Variants in ST6GALNAC3 observed in about 807,000 individuals in gnomAD.
ST6GALNAC3 encodes alpha-N-acetylgalactosaminide alpha-2,6-sialyltransferase 3.
A neutral mutation model predicts 32.7 loss-of-function variants in ST6GALNAC3; 25 were observed. The ratio of observed to expected loss-of-function variants is 0.76; its 90% CI spans 0.56 to 1.07. ST6GALNAC3 has a LOEUF of 1.07. Among genes scored for constraint, ST6GALNAC3 ranks in the 50% least tolerant of loss-of-function variants. ST6GALNAC3 has a pLI of 0.00. For synonymous variants in ST6GALNAC3, 129 were observed against 133.1 expected, an observed-to-expected ratio of 0.97 and a Z score of 0.21; for missense variants, 355 against 382.4, an observed-to-expected ratio of 0.93 and a Z score of 0.60.
At chr1:76,588,390 G>T (rs1646996460) in intron 3 of ST6GALNAC3, among the ~76,000 whole-genome samples, 1 of 152,026 alleles carries the variant, frequency 6.6e-6, no homozygotes. Flanking sequence ...GTGCTACGTA[G>T]AACACAAGGG....
At chr1:76,092,739 G>A (rs749552385) in intron 1 of ST6GALNAC3, among the ~76,000 whole-genome samples, 28 of 152,142 alleles carry the variant, frequency 1.8e-4, no homozygotes, top group Admixed American at 2.6e-4. Flanking sequence ...TTTGCATGGG[G>A]CCTCATAAAT....
chr1:76,399,038 C>T (rs1653203422), intron 2 of ST6GALNAC3, among the ~76,000 whole-genome samples: 1 of 152,032 alleles, frequency 6.6e-6, no homozygotes, highest in Admixed American at 6.6e-5. Flanking sequence ...TCAATAATTG[C>T]ATCTTATGCC....
chr1:76,328,232 C>T (rs1487826337), intron 2 of ST6GALNAC3, among the ~76,000 whole-genome samples: 1 of 152,132 alleles, frequency 6.6e-6, no homozygotes, highest in Non-Finnish European at 1.5e-5. Context: ...TTCCTTTGCT[C>T]GGGAGTCACC....
chr1:76,507,856 G>C (rs1661573762), intron 3 of ST6GALNAC3, among the ~76,000 whole-genome samples: 1 of 152,144 alleles, frequency 6.6e-6, no homozygotes, highest in African/African-American at 2.4e-5. Flanking sequence ...GTGCTAGACT[G>C]TTTTTCAAAG....
intron 3 of ST6GALNAC3, among the ~76,000 whole-genome samples, chr1:76,428,531 C>T (rs185688410): frequency 6.6e-6 from 1 of 151,944 alleles, no homozygotes; most frequent in South Asian, 2.1e-4. Flanking sequence ...GTTCTTTCCA[C>T]GTTATTTTGC....
chr1:76,325,845 C>T (rs950940777), intron 2 of ST6GALNAC3, among the ~76,000 whole-genome samples: 4 of 150,710 alleles, frequency 2.7e-5, no homozygotes, highest in African/African-American at 7.3e-5. Flanking sequence ...TTTCATTGAT[C>T]AACATTTTTT....
chr1:76,140,604 C>T (rs998259585), intron 1 of ST6GALNAC3, among the ~76,000 whole-genome samples: 3 of 145,116 alleles, frequency 2.1e-5, no homozygotes, highest in Non-Finnish European at 4.5e-5. Flanking sequence ...GACTGGGGCT[C>T]TTTCTTTCTT....
At chr1:76,377,587 C>G (rs1651340545) in intron 2 of ST6GALNAC3, among the ~76,000 whole-genome samples, 1 of 152,148 alleles carries the variant, frequency 6.6e-6, no homozygotes, top group African/African-American at 2.4e-5. Flanking sequence ...CCACCAGGTC[C>G]CCCCTCCAAC....
At chr1:76,133,584 C>G (rs1243300098) in intron 1 of ST6GALNAC3, among the ~76,000 whole-genome samples, 1 of 152,214 alleles carries the variant, frequency 6.6e-6, no homozygotes, top group African/African-American at 2.4e-5. Flanking sequence ...AAATTTCTGC[C>G]AGCTGGTTAC....
At chr1:76,452,062 G>A (rs1657442124) in intron 3 of ST6GALNAC3, among the ~76,000 whole-genome samples, 1 of 152,130 alleles carries the variant, frequency 6.6e-6, no homozygotes, top group Non-Finnish European at 1.5e-5. Context: ...GTTTGTCATA[G>A]ATGGTGATAT....
chr1:76,525,791 G>GTGTGTGTATATA (rs1438917629), intron 3 of ST6GALNAC3, among the ~76,000 whole-genome samples: 7 of 75,526 alleles, frequency 9.3e-5, no homozygotes, highest in Admixed American at 5.1e-4. Flanking sequence ...GTGTGTGTGT[G>GTGTGTGTATATA]TATATATATA....
In ST6GALNAC3 at chr1:76,524,820, C is replaced by A. The variant is rs115554132; in HGVS notation, c.624-102632C>A. Among the ~76,000 whole-genome samples, 468 of 149,694 alleles carry A rather than the reference C, an allele frequency of 3.1e-3. 1 individual carries two copies. Among genetic ancestry groups the A allele is most frequent in the Non-Finnish European group, 5.0e-3 (340 of 67,534 alleles). On this transcript the variant is annotated intron_variant, in intron 3 of 4. Coordinates refer to ENST00000328299, the MANE Select transcript of ST6GALNAC3 (RefSeq NM_152996.4). ...AGCTTCTGGGATTTTTGAGAGAATT[C>A]TTTAAAAATGAAGGACTTTAATCAT...
At chr1:76,217,012 A>G (rs1655503867) in intron 1 of ST6GALNAC3, among the ~76,000 whole-genome samples, 2 of 152,232 alleles carry the variant, frequency 1.3e-5, no homozygotes. Context: ...TTCAAATTGT[A>G]CTAAAATAAA....
intron 1 of ST6GALNAC3, among the ~76,000 whole-genome samples, chr1:76,125,444 G>A (rs1019974933): frequency 2.6e-5 from 4 of 152,100 alleles, no homozygotes; most frequent in Admixed American, 6.6e-5. Context: ...AGCCCTAAAT[G>A]TGAGTGATCC....
chr1:76,124,061 T>A (rs1649072687), intron 1 of ST6GALNAC3, among the ~76,000 whole-genome samples: 1 of 152,024 alleles, frequency 6.6e-6, no homozygotes, highest in South Asian at 2.1e-4. Flanking sequence ...TCATTTTAAT[T>A]TGGAATGCAT....
At chr1:76,444,790 A>G (rs373594007) in intron 3 of ST6GALNAC3, among the ~76,000 whole-genome samples, 4 of 152,214 alleles carry the variant, frequency 2.6e-5, no homozygotes, top group Admixed American at 2.0e-4. Flanking sequence ...CCAGATTGCA[A>G]CTGTATGTCC....
chr1:76,384,969 A>G (rs1227367187), intron 2 of ST6GALNAC3, among the ~76,000 whole-genome samples: 1 of 152,280 alleles, frequency 6.6e-6, no homozygotes, highest in African/African-American at 2.4e-5. Context: ...AATCTTGCAG[A>G]TACAATGGTA....
At chr1:76,264,525 T>G (rs570930947) in intron 1 of ST6GALNAC3, among the ~76,000 whole-genome samples, 2 of 152,252 alleles carry the variant, frequency 1.3e-5, no homozygotes, top group African/African-American at 4.8e-5. Context: ...AAATGTCTCT[T>G]TCTGTGAGGT....
At chr1:76,269,360 A>T (rs926664640) in intron 1 of ST6GALNAC3, among the ~76,000 whole-genome samples, 2 of 152,062 alleles carry the variant, frequency 1.3e-5, no homozygotes, top group African/African-American at 4.8e-5. Flanking sequence ...TAATATAATG[A>T]CTCAGCCAAG....
Sources: gnomAD v4.1 joint callset for allele counts (sites outside exome capture counted in the v4.1 genomes callset) on GRCh38, gnomAD v4.1.1 for gene constraint, MANE v1.5 for transcripts, NCBI Gene and HGNC (gene_info 2026-07-23, HGNC 2026-07-21) for gene names.